KCNN2: variants seen among roughly 807,000 people sequenced by gnomAD.
KCNN2 encodes small conductance calcium-activated potassium channel protein 2.
A neutral mutation model predicts 55.5 loss-of-function variants in KCNN2; 24 were observed. That is an observed-to-expected ratio of 0.43 (90% confidence interval 0.31 to 0.61). The LOEUF (loss-of-function observed/expected upper bound fraction) is 0.61. Ranked by LOEUF, KCNN2 falls within the 20% of genes least tolerant of loss-of-function variation. The pLI is 0.08. For synonymous variants in KCNN2, 431 were observed against 336.1 expected (o/e 1.28, Z -3.09); for missense variants, 754 against 853.6 (o/e 0.88, Z 1.45).
upstream of KCNN2, among the ~76,000 whole-genome samples, chr5:114,358,445 T>C (rs1757339349): frequency 6.6e-6 from 1 of 152,038 alleles, no homozygotes. Context: ...TTGTAGGCCA[T>C]AAGAAAAAAA....
chr5:114,474,663 G>A (rs1304590585), intron 5 of KCNN2, among the ~76,000 whole-genome samples: 1 of 152,142 alleles, frequency 6.6e-6, no homozygotes, highest in African/African-American at 2.4e-5. Flanking sequence ...TTCATCATGT[G>A]CATGTTTGGT....
At chr5:114,337,220 G>T (rs1362672541) in intron 2 of KCNN2, among the ~76,000 whole-genome samples, 1 of 152,072 alleles carries the variant, frequency 6.6e-6, no homozygotes, top group African/African-American at 2.4e-5. Flanking sequence ...GATGGGTGAG[G>T]AAATGAAATT....
chr5:114,462,664 T>C (rs1036883907), intron 3 of KCNN2, among the ~76,000 whole-genome samples: 13 of 152,164 alleles, frequency 8.5e-5, no homozygotes, highest in African/African-American at 3.1e-4. Context: ...ATAATTCATT[T>C]TGGTTACAAA....
At position 114,362,736 on chromosome 5, in the gene KCNN2, C is replaced by G. The variant is rs773664390; in HGVS notation, c.597C>G (p.Pro199=). ...PHPAHHQHHQ[P]QARRESNPFT... ...CGGCGCACCACCAGCACCACCAGCC[C>G]CAGGCGCGCCGCGAGAGCAACCCCT... The change falls in exon 1 of 8, where the codon CCC becomes CCG. Residue 199 remains proline, a synonymous_variant. Transcript: ENST00000673685. 1.2e-5 allele frequency: 19 copies of G among 1,535,716 alleles called. No individual in the cohort carries two copies. Among genetic ancestry groups the G allele is most frequent in the Middle Eastern group, 1.7e-4 (1 of 5,776 alleles).
rs550138466 is a variant in KCNN2, at chr5:114,327,826, G to T, written c.-184-33119G>T. On this transcript the variant is annotated intron_variant, in intron 2 of 10. Coordinates refer to the KCNN2 transcript ENST00000512097. ...GTAGTCCAATTTAGTAAATCAAACA[G>T]ATATATGTCAATATACAATGAGGAC... 8.5e-4 allele frequency among the ~76,000 whole-genome samples: 130 copies of T among 152,212 alleles called. 2 individuals carry two copies. Among genetic ancestry groups the T allele is most frequent in the African/African-American group, 2.9e-3 (122 of 41,548 alleles).
intron 1 of KCNN2, among the ~76,000 whole-genome samples, chr5:114,191,137 G>A (rs909229816): frequency 3.3e-5 from 5 of 152,126 alleles, no homozygotes; most frequent in African/African-American, 9.7e-5. Context: ...TAAATTGTAT[G>A]AATTATTTGT....
intron 1 of KCNN2, among the ~76,000 whole-genome samples, chr5:114,157,252 G>A (rs879839059): frequency 1.5e-4 from 22 of 150,128 alleles, no homozygotes; most frequent in Non-Finnish European, 3.2e-4. Context: ...GAGAACATGC[G>A]GTGTTTGGCC....
intron 2 of KCNN2, among the ~76,000 whole-genome samples, chr5:114,302,652 T>G (rs1440223935): frequency 2.6e-5 from 4 of 152,112 alleles, no homozygotes; most frequent in Non-Finnish European, 5.9e-5. Context: ...TTTTCCTAGG[T>G]CTTGTGATTC....
intron 1 of KCNN2, among the ~76,000 whole-genome samples, chr5:114,166,602 G>A (rs748647149): frequency 2.0e-5 from 3 of 152,114 alleles, no homozygotes; most frequent in Non-Finnish European, 2.9e-5. Context: ...AAGGTGGTAC[G>A]GTTTTCACCT....
chr5:114,472,258 C>G (rs538291808), intron 4 of KCNN2, among the ~76,000 whole-genome samples: 1 of 152,270 alleles, frequency 6.6e-6, no homozygotes, highest in Non-Finnish European at 1.5e-5. Context: ...ACAGAAGACT[C>G]TCACAACTTG....
intron 3 of KCNN2, among the ~76,000 whole-genome samples, chr5:114,461,169 A>T (rs887309816): frequency 6.6e-6 from 1 of 152,154 alleles, no homozygotes; most frequent in African/African-American, 2.4e-5. Context: ...ATTGTGGCTG[A>T]GCATAGCACT....
At position 114,318,176 on chromosome 5, in the gene KCNN2, A is replaced by C. The variant is rs535196007; in HGVS notation, c.-184-42769A>C. ...TTTCTACTTTCTGGAGATGCTTATT[A>C]GTTTAGTTTCCTTTTTGCTTAGGCA... On this transcript the variant is annotated intron_variant, in intron 2 of 10. Coordinates refer to the KCNN2 transcript ENST00000512097. 2.0e-4 allele frequency among the ~76,000 whole-genome samples: 30 copies of C among 152,272 alleles called. No homozygotes were observed. The South Asian group carries it at 3.7e-3, about 19-fold the overall frequency.
At chr5:114,315,501 T>C (rs1320872049) in intron 2 of KCNN2, among the ~76,000 whole-genome samples, 1 of 151,918 alleles carries the variant, frequency 6.6e-6, no homozygotes, top group East Asian at 1.9e-4. Context: ...AAAAGTGGAC[T>C]ATTCTTATTA....
chr5:114,435,005 C>A (rs1759953284), intron 3 of KCNN2, among the ~76,000 whole-genome samples: 3 of 152,156 alleles, frequency 2.0e-5, no homozygotes, highest in Non-Finnish European at 2.9e-5. Context: ...ATTTTCTCTG[C>A]TGGAAGCAGG....
rs559538541 is a variant in KCNN2, at chr5:114,390,277, C to A, written c.1219-14161C>A. ...GGCTTATTTTATTTATGATTGGTTC[C>A]CCATCTACTTGCAGAAATGATTTAA... On this transcript the variant is annotated intron_variant, in intron 2 of 7. Transcript: ENST00000673685. Among the ~76,000 whole-genome samples, 6 of 152,082 alleles carry A rather than the reference C, an allele frequency of 3.9e-5. No homozygotes were observed. In the South Asian group the frequency reaches 1.2e-3, roughly 32 times the overall value.
At chr5:114,476,266 G>A (rs1008113231) in intron 5 of KCNN2, among the ~76,000 whole-genome samples, 1 of 145,786 alleles carries the variant, frequency 6.9e-6, no homozygotes, top group Non-Finnish European at 1.5e-5. Flanking sequence ...TTAAGAAAAT[G>A]TGGCACATAT....
At chr5:114,311,925 C>T (rs1468368863) in intron 2 of KCNN2, among the ~76,000 whole-genome samples, 3 of 152,082 alleles carry the variant, frequency 2.0e-5, no homozygotes, top group African/African-American at 7.2e-5. Flanking sequence ...ATGAGGAATG[C>T]AATAATGCTT....
At chr5:114,232,362 A>T (rs1754380160) in intron 2 of KCNN2, among the ~76,000 whole-genome samples, 1 of 151,286 alleles carries the variant, frequency 6.6e-6, no homozygotes, top group African/African-American at 2.5e-5. Flanking sequence ...ATCATATAGT[A>T]CTTTCTTCTC....
intron 1 of KCNN2, among the ~76,000 whole-genome samples, chr5:114,160,090 G>C (rs902746116): frequency 2.0e-5 from 3 of 152,106 alleles, no homozygotes; most frequent in African/African-American, 7.2e-5. Flanking sequence ...TTTTAATTGT[G>C]ATGTTAGGGT....
Sources: gnomAD v4.1 joint callset for allele counts (sites outside exome capture counted in the v4.1 genomes callset) on GRCh38, gnomAD v4.1.1 for gene constraint, MANE v1.5 for transcripts, NCBI Gene and HGNC (gene_info 2026-07-23, HGNC 2026-07-21) for gene names.